The following FAIM variants were observed in gnomAD, a reference collection of about 807,000 sequenced individuals.
FAIM encodes the protein Fas apoptotic inhibitory molecule, also known as fas apoptotic inhibitory molecule 1.
FAIM carries 14 observed loss-of-function variants against 21.2 expected under a neutral mutation model. The observed-to-expected ratio is 0.66, with a 90% confidence interval of 0.44 to 1.03. The LOEUF is 1.03. Among genes scored for constraint, FAIM ranks in the 50% least tolerant of loss-of-function variants. FAIM has a pLI of 0.00. For synonymous variants in FAIM, 86 were observed against 80.4 expected, an observed-to-expected ratio of 1.07 and a Z score of -0.37; for missense variants, 222 against 247.1, an observed-to-expected ratio of 0.90 and a Z score of 0.68.
At chr3:138,612,554 G>A (rs868423060) in intron 1 of FAIM, among the ~76,000 whole-genome samples, 1 of 152,202 alleles carries the variant, frequency 6.6e-6, no homozygotes. Context: ...CCGAGATCAA[G>A]TGTATGTACC....
intron 4 of FAIM, 86 bp downstream of exon 4, chr3:138,622,502 G>T: frequency 1.1e-6 from 1 of 901,224 alleles, no homozygotes; most frequent in Non-Finnish European, 1.7e-6. Flanking sequence ...ACCTTCTATG[G>T]AGGTTTGAAA....
intron 1 of FAIM, among the ~76,000 whole-genome samples, chr3:138,615,908 A>G (rs1421359520): frequency 6.6e-6 from 1 of 152,268 alleles, no homozygotes; most frequent in Non-Finnish European, 1.5e-5. Context: ...GAGAAGCCCA[A>G]AAGCAGGAGG....
In FAIM at chr3:138,632,941, A is replaced by AGAT; in HGVS notation, c.473_475dup (p.Asp158dup). The AGAT allele has an allele frequency of 6.2e-7, 1 of 1,612,722 alleles. No homozygotes were observed. The highest frequency in any genetic ancestry group is 8.5e-7 in the Non-Finnish European group (1 of 1,179,520). On this transcript the variant is annotated inframe_insertion, in exon 6 of 6. Coordinates refer to ENST00000360570, the MANE Select transcript of FAIM (RefSeq NM_001033031.2). ...TTTTGTTGCTCCAGGGTGAGTTTGT[A>AGAT]GATGATGGGACTGAAACTCACTTCA...
intron 1 of FAIM, chr3:138,610,464 T>C (rs1343693024): frequency 6.5e-6 from 1 of 153,068 alleles, no homozygotes; most frequent in Non-Finnish European, 1.5e-5. Context: ...TAATAAAATA[T>C]TTGCAAAAAT....
intron 1 of FAIM, among the ~76,000 whole-genome samples, chr3:138,613,234 G>A (rs1255104330): frequency 6.6e-6 from 1 of 151,976 alleles, no homozygotes; most frequent in Non-Finnish European, 1.5e-5. Context: ...TGGCCAGGCT[G>A]GTCTCGGACT....
chr3:138,622,763 G>T (rs190339186), intron 4 of FAIM, among the ~76,000 whole-genome samples: 6 of 152,196 alleles, frequency 3.9e-5, no homozygotes. Flanking sequence ...ATATTGCCAG[G>T]CGCAGTGACT....
In FAIM at chr3:138,629,126, A is replaced by G. The variant is rs61753268; in HGVS notation, c.426A>G (p.Val142=). The G allele has an allele frequency of 8.1e-3, 13,082 of 1,610,674 alleles. 998 individuals carry two copies. The African/African-American group carries it at 0.16, about 19-fold the overall frequency. The change falls in exon 5 of 6, where the codon GTA becomes GTG. Residue 142 remains valine, a synonymous_variant. Transcript: ENST00000360570. The part of the protein sequence containing the change: ...RIVLEKDAMD[V]WCNGKKLETA... ...TTACAGAAAAAGATGCTATGGACGT[A>G]TGGTGCAATGGTAAAAAATTGGAGA...
rs149453397 is a variant in FAIM at position 138,633,032 on chromosome 3, C to T, written c.559C>T (p.His187Tyr). Residue 187 changes from histidine to tyrosine, a missense_variant, in exon 6 of 6, where the codon CAT (histidine) becomes TAT (tyrosine). Physicochemically the swap from His to Tyr is moderately conservative, Grantham distance 83 (BLOSUM62 2). Transcript: ENST00000360570. ...TGGGAAGCGGAAAGAAGGGATTATTCATACTCTCATTGTGGATAATAGAGA... is the reference window on the plus strand; with the variant it reads ...TGGGAAGCGGAAAGAAGGGATTATTTATACTCTCATTGTGGATAATAGAGA... ...SSGKRKEGII[H>Y]TLIVDNREIP... The T allele has an allele frequency of 1.7e-4, 269 of 1,613,786 alleles. No individual in the cohort carries two copies. The highest frequency in any genetic ancestry group is 3.7e-4 in the Admixed American group (22 of 59,998).
intron 5 of FAIM, among the ~76,000 whole-genome samples, chr3:138,632,463 G>A (rs1284473522): frequency 6.6e-6 from 1 of 151,950 alleles, no homozygotes; most frequent in African/African-American, 2.4e-5. Context: ...GTTTGGTTTT[G>A]TTATATGTAT....
At chr3:138,623,232 GT>G (rs2042906581) in intron 4 of FAIM, among the ~76,000 whole-genome samples, 1 of 151,902 alleles carries the variant, frequency 6.6e-6, no homozygotes, top group East Asian at 1.9e-4. Context: ...AGTTTTTTTT[GT>G]TTGTTTTTCT....
chr3:138,623,232 G>T (rs1228266927), intron 4 of FAIM, among the ~76,000 whole-genome samples: 4 of 151,786 alleles, frequency 2.6e-5, no homozygotes, highest in African/African-American at 7.3e-5. Flanking sequence ...AGTTTTTTTT[G>T]TTTGTTTTTC....
intron 1 of FAIM, among the ~76,000 whole-genome samples, chr3:138,613,239 C>T (rs991436448): frequency 4.0e-5 from 6 of 151,760 alleles, no homozygotes; most frequent in Admixed American, 3.9e-4. Flanking sequence ...AGGCTGGTCT[C>T]GGACTCCTGA....
intron 1 of FAIM, among the ~76,000 whole-genome samples, chr3:138,619,113 G>A (rs2042857761): frequency 6.6e-6 from 1 of 152,206 alleles, no homozygotes; most frequent in Admixed American, 6.5e-5. Flanking sequence ...GATAAATTAA[G>A]TTCACTCTTT....
rs369178291 is a variant in FAIM at position 138,622,374 on chromosome 3, T to C, written c.364T>C (p.Trp122Arg). The C allele has an allele frequency of 1.1e-5, 18 of 1,612,544 alleles. No individual in the cohort carries two copies. The highest frequency in any genetic ancestry group is 1.5e-5 in the Non-Finnish European group (18 of 1,179,612). The stretch of plus-strand genomic sequence containing the variant: ...GGACAGATCAAAAACCACCAATACT[T>C]GGGTATTACACATGGATGGTGAGAA... Reference protein sequence around the residue: ...MEDRSKTTNTWVLHMDGENFR... With the variant: ...MEDRSKTTNTRVLHMDGENFR... The change falls in exon 4 of 6, where the codon TGG becomes CGG. Residue 122 changes from tryptophan to arginine, a missense_variant. Transcript: ENST00000360570.
chr3:138,622,370 T>C lies in FAIM; in HGVS notation c.360T>C (p.Asn120=), dbSNP rs764518204. The C allele has an allele frequency of 1.2e-6, 2 of 1,613,034 alleles. No individual in the cohort carries two copies. Among genetic ancestry groups the C allele is most frequent in the Non-Finnish European group, 1.7e-6 (2 of 1,179,742 alleles). The change falls in exon 4 of 6, where the codon AAT becomes AAC. Residue 120 remains asparagine, a synonymous_variant. Transcript: ENST00000360570. ...TGGAGGACAGATCAAAAACCACCAA[T>C]ACTTGGGTATTACACATGGATGGTG... ...KYMEDRSKTT[N]TWVLHMDGEN...
At chr3:138,632,472 A>G (rs1446107551) in intron 5 of FAIM, among the ~76,000 whole-genome samples, 1 of 152,078 alleles carries the variant, frequency 6.6e-6, no homozygotes, top group Admixed American at 6.6e-5. Context: ...TGTTATATGT[A>G]TATTTTACTG....
Position 138,632,966 on chromosome 3 carries a change from A to G in FAIM, c.493A>G (p.Ser165Gly), listed in dbSNP as rs1257729312. ...FVDDGTETHF[S>G]IGNHDCYIKA... ...AGATGATGGGACTGAAACTCACTTC[A>G]GTATCGGGAACCATGACTGTTACAT... Residue 165 changes from serine (S) to glycine (G), a missense_variant, in exon 6 of 6, where the codon AGT becomes GGT. Transcript: ENST00000360570. The G allele has an allele frequency of 6.2e-7, 1 of 1,613,692 alleles. No homozygotes were observed.
At chr3:138,615,108 T>G (rs931016701) in intron 1 of FAIM, among the ~76,000 whole-genome samples, 3 of 152,216 alleles carry the variant, frequency 2.0e-5, no homozygotes, top group Admixed American at 6.5e-5. Context: ...CTCAGAATAC[T>G]TACCTTAGCC....
intron 1 of FAIM, among the ~76,000 whole-genome samples, chr3:138,612,932 ATGT>A (rs1223943471): frequency 3.3e-5 from 5 of 151,706 alleles, no homozygotes; most frequent in South Asian, 2.1e-4. Flanking sequence ...GTCGTGATTA[ATGT>A]TGTTTAGCAT....
Sources: allele counts gnomAD v4.1 joint callset (sites outside exome capture counted in the v4.1 genomes callset), GRCh38; gene constraint gnomAD v4.1.1; transcripts MANE v1.5; gene names NCBI Gene and HGNC (gene_info 2026-07-23, HGNC 2026-07-21).